Variants in TANC1 observed in about 807,000 individuals in gnomAD.
TANC1 encodes the protein tetratricopeptide repeat, ankyrin repeat and coiled-coil containing 1, also known as protein TANC1.
A neutral mutation model predicts 149.7 loss-of-function variants in TANC1; 77 were observed. The observed-to-expected ratio is 0.51, with a 90% confidence interval of 0.43 to 0.62. TANC1 has a LOEUF of 0.62. Among genes scored for constraint, TANC1 ranks in the 20% least tolerant of loss-of-function variants. The pLI is 0.00. For missense variants in TANC1, 1,985 were observed against 2,321.8 expected, an observed-to-expected ratio of 0.85 and a Z score of 2.98; for synonymous variants, 854 against 925.0, an observed-to-expected ratio of 0.92 and a Z score of 1.39.
At chr2:158,975,242 A>G (rs943296391) in intron 1 of TANC1, among the ~76,000 whole-genome samples, 46 of 151,850 alleles carry the variant, frequency 3.0e-4, no homozygotes, top group Admixed American at 2.8e-3. Context: ...AATATTTTCT[A>G]ACCTAGGTTT....
intron 22 of TANC1, among the ~76,000 whole-genome samples, chr2:159,222,672 C>T (rs1336967017): frequency 6.6e-6 from 1 of 152,126 alleles, no homozygotes; most frequent in African/African-American, 2.4e-5. Flanking sequence ...ATGTTTTTTG[C>T]TGTTGTGAAT....
intron 2 of TANC1, among the ~76,000 whole-genome samples, chr2:159,016,609 C>G (rs2038300674): frequency 6.7e-6 from 1 of 149,816 alleles, no homozygotes; most frequent in Non-Finnish European, 1.5e-5. Context: ...GAGTCTCGCT[C>G]TGTCACCCAG....
intron 14 of TANC1, among the ~76,000 whole-genome samples, chr2:159,183,246 TG>T (rs2056667028): frequency 6.6e-6 from 1 of 151,906 alleles, no homozygotes; most frequent in Non-Finnish European, 1.5e-5. Context: ...GAAAGGCAGG[TG>T]GTATGTGGCA....
intron 4 of TANC1, among the ~76,000 whole-genome samples, chr2:159,106,265 C>CA (rs71406147): frequency 0.34 from 51,631 of 151,936 alleles, 9,693 homozygotes; most frequent in Non-Finnish European, 0.42. Context: ...GAAACCAAAG[C>CA]AAAAAAACCC....
intron 1 of TANC1, among the ~76,000 whole-genome samples, chr2:158,988,557 T>A (rs937226688): frequency 1.1e-4 from 17 of 152,260 alleles, no homozygotes; most frequent in African/African-American, 3.9e-4. Flanking sequence ...TACTTCCTGT[T>A]GCAATGACAG....
At chr2:159,146,820 C>G (rs368874143) in intron 5 of TANC1, among the ~76,000 whole-genome samples, 1 of 152,064 alleles carries the variant, frequency 6.6e-6, no homozygotes, top group Non-Finnish European at 1.5e-5. Flanking sequence ...GGATTACAGG[C>G]GTGAGCCACC....
chr2:158,992,100 T>C (rs1335270971), intron 1 of TANC1, among the ~76,000 whole-genome samples: 1 of 151,800 alleles, frequency 6.6e-6, no homozygotes, highest in East Asian at 1.9e-4. Context: ...TGGTGGCTCA[T>C]GTCTGTAATC....
At chr2:159,106,007 A>G (rs1040670646) in intron 4 of TANC1, among the ~76,000 whole-genome samples, 1 of 151,650 alleles carries the variant, frequency 6.6e-6, no homozygotes, top group Admixed American at 6.6e-5. Context: ...TTTTCCATCT[A>G]ATTAGGTTAC....
intron 16 of TANC1, among the ~76,000 whole-genome samples, chr2:159,189,625 T>G (rs71423010): frequency 0.075 from 11,434 of 152,294 alleles, 643 homozygotes; most frequent in Middle Eastern, 0.17. Context: ...TTATCCTCAT[T>G]TTTTTAGATG....
chr2:159,132,643 C>T (rs58578468), intron 4 of TANC1, among the ~76,000 whole-genome samples: 20,792 of 150,248 alleles, frequency 0.14, 1,922 homozygotes, highest in East Asian at 0.47. Context: ...CACATGCCAC[C>T]ACACCCAGCT....
chr2:159,123,119 C>T (rs1484580835), intron 4 of TANC1, among the ~76,000 whole-genome samples: 1 of 152,190 alleles, frequency 6.6e-6, no homozygotes, highest in Non-Finnish European at 1.5e-5. Flanking sequence ...TTGATCTCTG[C>T]ACCCTGATCT....
intron 5 of TANC1, among the ~76,000 whole-genome samples, chr2:159,140,538 G>A (rs921075708): frequency 7.9e-5 from 12 of 152,148 alleles, no homozygotes; most frequent in African/African-American, 2.7e-4. Flanking sequence ...TTTGAGATGG[G>A]TTATCAAGCA....
intron 1 of TANC1, among the ~76,000 whole-genome samples, chr2:158,988,483 C>T (rs1002403188): frequency 2.0e-5 from 3 of 151,962 alleles, no homozygotes; most frequent in African/African-American, 7.3e-5. Context: ...TTCATTTTTC[C>T]GATGTGTGGG....
intron 6 of TANC1, chr2:159,149,491 T>G: frequency 1.7e-6 from 1 of 577,242 alleles, no homozygotes; most frequent in East Asian, 3.3e-5. Context: ...ATGTCCACAT[T>G]AACCTTCTAG....
intron 1 of TANC1, among the ~76,000 whole-genome samples, chr2:158,990,015 A>T (rs1484910154): frequency 6.6e-6 from 1 of 151,816 alleles, no homozygotes; most frequent in Non-Finnish European, 1.5e-5. Context: ...TCCCGGGTTC[A>T]AGCGATTCTC....
intron 1 of TANC1, among the ~76,000 whole-genome samples, chr2:158,992,961 CGCGTTAGTTTACT>C (rs1257317076): frequency 6.8e-6 from 1 of 147,152 alleles, no homozygotes; most frequent in Non-Finnish European, 1.5e-5. Context: ...CCATCACAGC[CGCGTTAGTTTACT>C]GCCTTCATGC....
At position 159,120,127 on chromosome 2, in the gene TANC1, CAGATGCCAG is replaced by C. The variant is rs546548599; in HGVS notation, c.260-16054_260-16046del. On this transcript the variant is annotated intron_variant, in intron 4 of 26. Coordinates refer to ENST00000263635, the MANE Select transcript of TANC1 (RefSeq NM_033394.3). ...TGACTTCAGAGATAGCATCTTTGTA[CAGATGCCAG>C]AGATGCCAGAGACACCCAGGAGTTG... is the stretch of plus-strand genomic sequence containing the variant. Among the ~76,000 whole-genome samples, 749 of 152,276 alleles carry C rather than the reference CAGATGCCAG, an allele frequency of 4.9e-3. 9 individuals carry two copies. Among genetic ancestry groups the C allele is most frequent in the African/African-American group, 0.017 (702 of 41,554 alleles).
At chr2:159,017,706 A>G (rs1353310717) in intron 2 of TANC1, among the ~76,000 whole-genome samples, 1 of 151,906 alleles carries the variant, frequency 6.6e-6, no homozygotes, top group Non-Finnish European at 1.5e-5. Flanking sequence ...ATATATATAT[A>G]TATATATGAA....
In TANC1 at chr2:159,231,110, A is replaced by T. The variant is rs573907315; in HGVS notation, c.*98A>T. 9.3e-7 allele frequency: 1 copy of T among 1,080,240 alleles called. No homozygotes were observed. Among genetic ancestry groups the T allele is most frequent in the Admixed American group, 2.9e-5 (1 of 34,612 alleles). The allele number at this position is 1,080,240 out of a possible 1,614,324, so 66.9% of individuals were successfully genotyped here. ...TCATCAGAAAAATTATTTTTTAGCC[A>T]TTTTTTTTCTTTGGGGTGGATCTGA... On this transcript the variant is annotated 3_prime_UTR_variant, in exon 27 of 27. Transcript: ENST00000263635.
Sources: gnomAD v4.1 joint callset for allele counts (sites outside exome capture counted in the v4.1 genomes callset) on GRCh38, gnomAD v4.1.1 for gene constraint, MANE v1.5 for transcripts, NCBI Gene and HGNC (gene_info 2026-07-23, HGNC 2026-07-21) for gene names.